The following PMPCB variants were observed in gnomAD, a reference collection of about 807,000 sequenced individuals.
PMPCB encodes the protein mitochondrial-processing peptidase subunit beta.
PMPCB carries 46 observed loss-of-function variants against 61.5 expected under a neutral mutation model. The ratio of observed to expected loss-of-function variants is 0.75; its 90% CI spans 0.59 to 0.96. The LOEUF is 0.96. PMPCB is among the 40% of genes least tolerant of loss of function. The pLI is 0.00. For synonymous variants in PMPCB, 191 were observed against 201.6 expected (o/e 0.95, Z 0.44); for missense variants, 590 against 602.4 (o/e 0.98, Z 0.22).
the PMPCB span, among the ~76,000 whole-genome samples, chr7:103,346,290 G>A: frequency 1.5e-4 from 23 of 152,096 alleles, no homozygotes; most frequent in African/African-American, 3.1e-4. Flanking sequence ...GTGCCACCAC[G>A]CCCAGCTAAT....
chr7:103,344,264 T>C, the PMPCB span: 1 of 467,764 alleles, frequency 2.1e-6, no homozygotes, highest in East Asian at 3.6e-5. Flanking sequence ...ATGAGAACCT[T>C]TCTGGGGTGC....
chr7:103,312,880 A>T lies in PMPCB; in HGVS notation c.*609A>T. ...ATTATTAACCACTTAATAGACATAA[A>T]ATATGAGCTATATCACCCAAGCTAC... On this transcript the variant is annotated 3_prime_UTR_variant, in exon 13 of 13. Coordinates refer to ENST00000249269, the MANE Select transcript of PMPCB (RefSeq NM_004279.3). 1 of 1,558,406 alleles carries T rather than the reference A, an allele frequency of 6.4e-7. No individual in the cohort carries two copies. Among genetic ancestry groups the T allele is most frequent in the Admixed American group, 2.1e-5 (1 of 48,726 alleles).
At chr7:103,340,406 T>C in the PMPCB span, among the ~76,000 whole-genome samples, 1 of 152,262 alleles carries the variant, frequency 6.6e-6, no homozygotes, top group Non-Finnish European at 1.5e-5. Context: ...GTTTTATACA[T>C]ATGCTTTAGC....
chr7:103,338,091 T>C, the PMPCB span, among the ~76,000 whole-genome samples: 1 of 151,968 alleles, frequency 6.6e-6, no homozygotes, highest in East Asian at 1.9e-4. Flanking sequence ...CAAAGTAAGA[T>C]CTCTGTCTCT....
chr7:103,312,315 C>G lies in PMPCB; in HGVS notation c.*44C>G. ...TGTTTGAACACATGTATTTATAAAA[C>G]AGAGCTAGAGAAAAATAAAAATGAA... is the stretch of plus-strand genomic sequence containing the variant. On this transcript the variant is annotated 3_prime_UTR_variant, in exon 13 of 13. Transcript: ENST00000249269. 6.2e-7 allele frequency: 1 copy of G among 1,601,868 alleles called. No individual in the cohort carries two copies. The highest frequency in any genetic ancestry group is 1.1e-5 in the South Asian group (1 of 90,332).
downstream of PMPCB, among the ~76,000 whole-genome samples, chr7:103,333,520 T>A (rs530071088): frequency 6.6e-6 from 1 of 152,356 alleles, no homozygotes; most frequent in Non-Finnish European, 1.5e-5. Context: ...AAAACGTAGA[T>A]AAAATAAATG....
chr7:103,340,380 GCTTA>G, the PMPCB span, among the ~76,000 whole-genome samples: 1 of 152,114 alleles, frequency 6.6e-6, no homozygotes, highest in South Asian at 2.1e-4. Flanking sequence ...CTTTCTGAGT[GCTTA>G]CTTTTCTAAA....
At chr7:103,326,430 A>T (rs1818710502) in intron 12 of PMPCB, 5 of 1,054,138 alleles carry the variant, frequency 4.7e-6, no homozygotes, top group Non-Finnish European at 2.8e-6. Flanking sequence ...AGGAAGAGAC[A>T]GTGGAAATAA....
chr7:103,316,623 TTC>T (rs562685283), downstream of PMPCB: 1 of 509,160 alleles, frequency 2.0e-6, no homozygotes, highest in Non-Finnish European at 3.4e-6. Context: ...GAAACAAGTA[TTC>T]TGTCATATGT....
chr7:103,323,767 T>G, intron 12 of PMPCB: 1 of 901,834 alleles, frequency 1.1e-6, no homozygotes, highest in Non-Finnish European at 1.5e-6. Flanking sequence ...TTTCCTTCCC[T>G]TCTAGTATTG....
chr7:103,325,851 TA>T (rs561615657), intron 12 of PMPCB, among the ~76,000 whole-genome samples: 336 of 152,288 alleles, frequency 2.2e-3, no homozygotes, highest in South Asian at 4.4e-3. Flanking sequence ...GATGATCAAA[TA>T]AAGAACAAAG....
exon 13 of PMPCB, chr7:103,328,994 C>T (rs1818853138): frequency 7.8e-7 from 1 of 1,277,998 alleles, no homozygotes; most frequent in Admixed American, 2.4e-5. Flanking sequence ...AAAAGGCAAA[C>T]TATTTCATAC....
Position 103,313,167 on chromosome 7 carries a change from C to T in PMPCB, c.*896C>T, listed in dbSNP as rs528512374. The T allele has an allele frequency of 1.3e-6, 2 of 1,515,918 alleles. No individual in the cohort carries two copies. The highest frequency in any genetic ancestry group is 1.4e-5 in the African/African-American group (1 of 70,614). The allele number at this position is 1,515,918 out of a possible 1,614,324, so 93.9% of individuals were successfully genotyped here. A position where few individuals can be genotyped will look rare whatever the true frequency, so the allele number is the denominator to read the frequency against. ...ATGTTCTCAGACAAGTCTTGTGGTC[C>T]ACAAGTATTCGCTAAGTGCCCATTT... On this transcript the variant is annotated 3_prime_UTR_variant, in exon 13 of 13. Coordinates refer to ENST00000249269, the MANE Select transcript of PMPCB (RefSeq NM_004279.3).
intron 8 of PMPCB, among the ~76,000 whole-genome samples, 173 bp from the exon 9 acceptor site, chr7:103,310,142 G>A (rs1817695236): frequency 6.6e-6 from 1 of 152,138 alleles, no homozygotes; most frequent in Admixed American, 6.6e-5. Flanking sequence ...GGGTAAGTGA[G>A]ATAATAAACA....
rs374916715 is a variant in PMPCB at position 103,299,421 on chromosome 7, A to G, written c.241-22A>G. On this transcript the variant is annotated intron_variant, in intron 2 of 12. Transcript: ENST00000249269. ...CAAATAAATAAAATGAATTTATTTA[A>G]TTGTTCTTTGATTGCATTAAGGTTG... The G allele has an allele frequency of 2.8e-6, 4 of 1,427,836 alleles. No homozygotes were observed. The African/African-American group carries it at 4.3e-5, about 15-fold the overall frequency. 88.4% of individuals were successfully genotyped at this position (1,427,836 alleles called of 1,614,324 possible).
At chr7:103,347,020 C>A in the PMPCB span, among the ~76,000 whole-genome samples, 1 of 152,170 alleles carries the variant, frequency 6.6e-6, no homozygotes, top group Non-Finnish European at 1.5e-5. Context: ...ATCCAGAAAT[C>A]GAATTGCTAG....
At chr7:103,337,844 G>A in the PMPCB span, 2 of 1,519,752 alleles carry the variant, frequency 1.3e-6, no homozygotes, top group Non-Finnish European at 1.8e-6. Flanking sequence ...AGTCAAATTT[G>A]AAATGAAGCC....
chr7:103,347,308 A>G, the PMPCB span, among the ~76,000 whole-genome samples: 1 of 152,182 alleles, frequency 6.6e-6, no homozygotes, highest in Non-Finnish European at 1.5e-5. Context: ...GATGTTGTCC[A>G]TTTGTATATC....
chr7:103,299,392 A>G (rs1817385158), intron 2 of PMPCB, 51 bp from the exon 3 acceptor site: 1 of 1,141,748 alleles, frequency 8.8e-7, no homozygotes, highest in Non-Finnish European at 1.3e-6. Flanking sequence ...GTTCCCCCCA[A>G]CCTCAAATAA....
Sources: allele counts gnomAD v4.1 joint callset (sites outside exome capture counted in the v4.1 genomes callset), GRCh38; gene constraint gnomAD v4.1.1; transcripts MANE v1.5; gene names NCBI Gene and HGNC (gene_info 2026-07-23, HGNC 2026-07-21).